INSR: variants seen among roughly 807,000 people sequenced by gnomAD.
INSR encodes insulin receptor, also known as IR.
In INSR, 67 loss-of-function variants were observed where a neutral mutation model predicts 142.6. The observed-to-expected ratio is 0.47, with a 90% CI of 0.39 to 0.58. The LOEUF (loss-of-function observed/expected upper bound fraction) is 0.58, where lower values mean the gene tolerates loss of function less well. INSR is among the 20% of genes least tolerant of loss of function. The pLI, the probability that INSR is intolerant of heterozygous loss-of-function variation, is 0.00. For missense variants in INSR, 1,248 were observed against 1,833.2 expected, an observed-to-expected ratio of 0.68 and a Z score of 5.83; for synonymous variants, 756 against 743.1, an observed-to-expected ratio of 1.02 and a Z score of -0.28.
chr19:7,256,881 G>A (rs545874803), intron 2 of INSR, among the ~76,000 whole-genome samples: 3 of 147,466 alleles, frequency 2.0e-5, no homozygotes, highest in East Asian at 2.0e-4. Flanking sequence ...GAAGAAAGAC[G>A]AATGAGAGAT....
rs944503455 is a variant in INSR, at chr19:7,293,926, C to A, written c.-35G>T. The A allele has an allele frequency of 1.2e-4, 141 of 1,178,302 alleles. No individual in the cohort carries two copies. In the African/African-American group the frequency reaches 2.2e-3, roughly 19 times the overall value. 73.0% of individuals were successfully genotyped at this position (1,178,302 alleles called of 1,614,324 possible). A position where few individuals can be genotyped will look rare whatever the true frequency, so the allele number is the denominator to read the frequency against. ...AGCGCGGGGTCTCCTCGGATCAGAG[C>A]GCGCGGCGCTGGCCCGCGGGGGTCA... On this transcript the variant is annotated 5_prime_UTR_variant, in exon 1 of 22. Transcript: ENST00000302850.
intron 2 of INSR, among the ~76,000 whole-genome samples, chr19:7,214,088 A>G (rs535866451): frequency 9.8e-5 from 15 of 152,334 alleles, no homozygotes; most frequent in Admixed American, 5.2e-4. Flanking sequence ...AACCAGCTTC[A>G]CAATAAATGC....
chr19:7,216,577 G>C lies in INSR; in HGVS notation c.653-31940C>G, dbSNP rs878965586. 3.9e-5 allele frequency among the ~76,000 whole-genome samples: 6 copies of C among 152,044 alleles called. 1 individual carries two copies. Among genetic ancestry groups the C allele is most frequent in the Admixed American group, 3.9e-4 (6 of 15,250 alleles). Reference sequence around the variant, plus strand: ...CCCTTGTATCCAGGGGGTCTGGGAAGGAACAAATTGCCACGGTGTAATGGA... The same window carrying C: ...CCCTTGTATCCAGGGGGTCTGGGAACGAACAAATTGCCACGGTGTAATGGA... On this transcript the variant is annotated intron_variant, in intron 2 of 21. Transcript: ENST00000302850. The surrounding 1 kb of genome is among the most constrained non-coding windows in gnomAD (Gnocchi z 4.2).
intron 1 of INSR, among the ~76,000 whole-genome samples, chr19:7,272,510 A>G (rs1967952697): frequency 6.6e-6 from 1 of 151,800 alleles, no homozygotes; most frequent in Non-Finnish European, 1.5e-5. Flanking sequence ...CCCAGCTGCT[A>G]CGGAGGCTGA....
chr19:7,281,716 T>TA (rs1370010017), intron 1 of INSR, among the ~76,000 whole-genome samples: 1 of 152,042 alleles, frequency 6.6e-6, no homozygotes, highest in Middle Eastern at 3.2e-3. Context: ...AAAATCAATT[T>TA]AAAAAAGCAG....
At position 7,270,782 on chromosome 19, in the gene INSR, C is replaced by T. The variant is rs149584058; in HGVS notation, c.101-2886G>A. 1.5e-3 allele frequency among the ~76,000 whole-genome samples: 229 copies of T among 149,152 alleles called. 1 individual carries two copies. The highest frequency in any genetic ancestry group is 2.7e-3 in the Non-Finnish European group (185 of 67,378). ...CGATTAAAAAAACACAACGGCTGGG[C>T]GTGGTGGCCAGCTCATGGCTGTAAT... On this transcript the variant is annotated intron_variant, in intron 1 of 21. Transcript: ENST00000302850.
intron 1 of INSR, among the ~76,000 whole-genome samples, chr19:7,291,807 T>G (rs1041742230): frequency 4.6e-5 from 7 of 152,084 alleles, no homozygotes; most frequent in Admixed American, 3.3e-4. Flanking sequence ...TTCTTTTTAT[T>G]TATTTATTTA....
chr19:7,238,962 C>CAAAAAAAAAAAAAAAAAAAA (rs71177185), intron 2 of INSR, among the ~76,000 whole-genome samples: 2 of 77,892 alleles, frequency 2.6e-5, no homozygotes, highest in Non-Finnish European at 4.4e-5. Context: ...GATGAATTCT[C>CAAAAAAAAAAAAAAAAAAAA]AAAAAAAAAA....
At chr19:7,270,184 G>A (rs761491812) in intron 1 of INSR, among the ~76,000 whole-genome samples, 8 of 152,010 alleles carry the variant, frequency 5.3e-5, no homozygotes, top group East Asian at 1.9e-4. Context: ...TCCTGACCTC[G>A]TGATCCACCC....
At chr19:7,124,618 T>A (rs1315585736) in intron 17 of INSR, among the ~76,000 whole-genome samples, 1 of 66,740 alleles carries the variant, frequency 1.5e-5, no homozygotes, top group Non-Finnish European at 2.6e-5. Context: ...TATATATATA[T>A]ATATATATAT....
chr19:7,277,344 C>T (rs190691121), intron 1 of INSR, among the ~76,000 whole-genome samples: 45 of 152,006 alleles, frequency 3.0e-4, no homozygotes, highest in Admixed American at 1.4e-3. Context: ...ACTCAGCAAA[C>T]GTTTGCTGGG....
Position 7,115,830 on chromosome 19 carries a change from T to A in INSR, c.*1226A>T, listed in dbSNP as rs1169297029. The A allele has an allele frequency of 2.0e-5, 3 of 152,232 alleles. No homozygotes were observed. The highest frequency in any genetic ancestry group is 2.0e-4 in the Admixed American group (3 of 15,272). 9.4% of individuals were successfully genotyped at this position (152,232 alleles called of 1,614,324 possible). A position where few individuals can be genotyped will look rare whatever the true frequency, so the allele number is the denominator to read the frequency against. ...AACCTAGTCTCTCACACACTCCACG[T>A]GGCCTCACAACATCCAAAAGTGTTA... On this transcript the variant is annotated 3_prime_UTR_variant, in exon 22 of 22. Coordinates refer to ENST00000302850, the MANE Select transcript of INSR (RefSeq NM_000208.4).
intron 7 of INSR, 24 bp downstream of exon 7, chr19:7,167,944 C>A (rs756510733): frequency 6.2e-7 from 1 of 1,613,602 alleles, no homozygotes; most frequent in South Asian, 1.1e-5. Context: ...GCCTCCTCAG[C>A]GTCTCTCTAA....
At chr19:7,238,617 CAAAAAAAAAAAAAA>C (rs796144540) in intron 2 of INSR, among the ~76,000 whole-genome samples, 1 of 68,986 alleles carries the variant, frequency 1.4e-5, no homozygotes, top group Non-Finnish European at 2.5e-5. Flanking sequence ...TGCTCCATCT[CAAAAAAAAAAAAAA>C]AAAAAAAAGG....
At chr19:7,170,117 A>T (rs1973980043) in intron 6 of INSR, among the ~76,000 whole-genome samples, 1 of 152,110 alleles carries the variant, frequency 6.6e-6, no homozygotes, top group South Asian at 2.1e-4. Context: ...CTGTATTTAC[A>T]GTCACTCCCC....
intron 2 of INSR, among the ~76,000 whole-genome samples, chr19:7,229,850 C>T (rs543839289): frequency 6.7e-6 from 1 of 149,670 alleles, no homozygotes; most frequent in Non-Finnish European, 1.5e-5. Flanking sequence ...ACTGCAGCCT[C>T]GAACTCCTGG....
intron 2 of INSR, among the ~76,000 whole-genome samples, chr19:7,243,374 T>G (rs1034256117): frequency 5.4e-5 from 8 of 149,386 alleles, no homozygotes; most frequent in African/African-American, 1.7e-4. Context: ...GCTTCCCGAG[T>G]AGCTGGGATT....
chr19:7,143,420 G>T (rs1217590628), intron 11 of INSR, among the ~76,000 whole-genome samples: 24 of 152,172 alleles, frequency 1.6e-4, no homozygotes, highest in Non-Finnish European at 7.3e-5. Flanking sequence ...GCCAGCCAGG[G>T]TCAGTGACAA....
At chr19:7,219,413 C>G (rs1455336425) in intron 2 of INSR, among the ~76,000 whole-genome samples, 3 of 145,352 alleles carry the variant, frequency 2.1e-5, no homozygotes, top group Admixed American at 7.1e-5. Context: ...AGACCTCTTT[C>G]AGTTTGTGAG....
Sources: allele counts gnomAD v4.1 joint callset (sites outside exome capture counted in the v4.1 genomes callset), GRCh38; gene constraint gnomAD v4.1.1; non-coding constraint Gnocchi (gnomAD v3.1); transcripts MANE v1.5; gene names NCBI Gene and HGNC (gene_info 2026-07-23, HGNC 2026-07-21).